The following PHTF2 variants were observed in gnomAD, a reference collection of about 807,000 sequenced individuals.
The protein encoded by PHTF2 is putative homeodomain transcription factor 2.
PHTF2 carries 60 observed loss-of-function variants against 101.2 expected under a neutral mutation model. The ratio of observed to expected loss-of-function variants is 0.59; its 90% CI spans 0.48 to 0.73. The LOEUF (loss-of-function observed/expected upper bound fraction) is 0.73. PHTF2 is among the 30% of genes least tolerant of loss of function. PHTF2 has a pLI of 0.00. For synonymous variants in PHTF2, 311 were observed against 307.3 expected (o/e 1.01, Z -0.13); for missense variants, 747 against 908.7 (o/e 0.82, Z 2.29).
exon 17 of PHTF2, chr7:77,949,746 G>T (rs781012202): frequency 6.4e-7 from 1 of 1,556,528 alleles, no homozygotes; most frequent in Non-Finnish European, 8.8e-7. Context: ...GGTGCATCTC[G>T]TTAACACTTT....
intron 3 of PHTF2, among the ~76,000 whole-genome samples, chr7:77,886,292 T>TA (rs1391838578): frequency 1.3e-5 from 2 of 152,222 alleles, no homozygotes; most frequent in Non-Finnish European, 2.9e-5. Context: ...TCCTAAGTGA[T>TA]ACGTTTCTCA....
chr7:77,818,011 G>A (rs1584382883), intron 1 of PHTF2, among the ~76,000 whole-genome samples: 1 of 151,754 alleles, frequency 6.6e-6, no homozygotes, highest in Non-Finnish European at 1.5e-5. Context: ...TTGGGAGGCT[G>A]AGGCAGGAGA....
intron 11 of PHTF2, 108 bp from the exon 11 acceptor site, chr7:77,929,001 G>A (rs1367867178): frequency 3.5e-5 from 24 of 691,560 alleles, no homozygotes; most frequent in Admixed American, 5.4e-5. Context: ...TTTTGAGGGT[G>A]TATTTGTTGT....
chr7:77,810,385 T>C (rs1262508926), intron 1 of PHTF2, among the ~76,000 whole-genome samples: 1 of 152,236 alleles, frequency 6.6e-6, no homozygotes, highest in Non-Finnish European at 1.5e-5. Flanking sequence ...AATACTGTAC[T>C]TTATTGCAGA....
chr7:77,941,052 T>C (rs1223966286), intron 15 of PHTF2, among the ~76,000 whole-genome samples: 1 of 152,144 alleles, frequency 6.6e-6, no homozygotes, highest in Non-Finnish European at 1.5e-5. Flanking sequence ...GAAAACACTT[T>C]TTTTCTGAGG....
chr7:77,857,869 C>T lies in PHTF2; in HGVS notation c.147+3035C>T, dbSNP rs1797312161. Among the ~76,000 whole-genome samples the T allele has an allele frequency of 2.6e-5, 4 of 152,184 alleles. No individual in the cohort carries two copies. In the South Asian group the frequency reaches 6.2e-4, roughly 24 times the overall value. ...AATTATTGTTACATGGGTCAGCTGT[C>T]AACCCAGAGTTATTGCTTTATATTC... On this transcript the variant is annotated intron_variant, in intron 3 of 19. Coordinates refer to ENST00000416283, the Ensembl canonical transcript of PHTF2.
intron 17 of PHTF2, among the ~76,000 whole-genome samples, chr7:77,950,693 A>G (rs1464261623): frequency 2.6e-5 from 4 of 152,156 alleles, no homozygotes; most frequent in African/African-American, 7.2e-5. Context: ...ATTGGACAAA[A>G]TCAACCACTT....
chr7:77,945,030 CAT>C (rs1805930719), intron 16 of PHTF2, among the ~76,000 whole-genome samples: 1 of 152,172 alleles, frequency 6.6e-6, no homozygotes, highest in Admixed American at 6.5e-5. Context: ...GGAGATCCAA[CAT>C]AGGTCTAATA....
chr7:77,949,934 C>T (rs1806393539), intron 17 of PHTF2, 101 bp downstream of exon 16: 1 of 636,672 alleles, frequency 1.6e-6, no homozygotes, highest in Admixed American at 3.7e-5. Flanking sequence ...TGATTAAGGT[C>T]ATTTGTGCTA....
intron 12 of PHTF2, among the ~76,000 whole-genome samples, chr7:77,935,445 A>G (rs919700579): frequency 2.0e-5 from 3 of 151,954 alleles, no homozygotes; most frequent in East Asian, 1.9e-4. Flanking sequence ...CAGGATGGCT[A>G]CTATCTCCTG....
chr7:77,889,194 A>C (rs1406882424), intron 3 of PHTF2, among the ~76,000 whole-genome samples: 12 of 152,244 alleles, frequency 7.9e-5, no homozygotes, highest in Middle Eastern at 3.4e-3. Flanking sequence ...ATTATGTTTC[A>C]TTCAGGGAAG....
chr7:77,824,277 G>A (rs1373029221), intron 1 of PHTF2, among the ~76,000 whole-genome samples: 1 of 149,092 alleles, frequency 6.7e-6, no homozygotes, highest in Non-Finnish European at 1.5e-5. Flanking sequence ...TTTTTTTCTT[G>A]GAGGTAGTTG....
intron 9 of PHTF2, among the ~76,000 whole-genome samples, chr7:77,913,364 G>C (rs1441399359): frequency 6.7e-6 from 1 of 150,072 alleles, no homozygotes; most frequent in African/African-American, 2.5e-5. Flanking sequence ...TTCCAGCCTG[G>C]GTGACAGAGC....
chr7:77,873,974 A>C (rs562022284), intron 3 of PHTF2, among the ~76,000 whole-genome samples: 1 of 152,214 alleles, frequency 6.6e-6, no homozygotes, highest in South Asian at 2.1e-4. Flanking sequence ...TTTGAGGCTC[A>C]GTATCTGCTT....
intron 18 of PHTF2, among the ~76,000 whole-genome samples, chr7:77,952,342 T>C (rs1389583968): frequency 6.6e-6 from 1 of 152,174 alleles, no homozygotes; most frequent in African/African-American, 2.4e-5. Flanking sequence ...TTTCAGAGAA[T>C]GGTATGAAAT....
chr7:77,912,661 GTA>G (rs149254572), intron 9 of PHTF2, among the ~76,000 whole-genome samples: 1 of 119,344 alleles, frequency 8.4e-6, no homozygotes, highest in Non-Finnish European at 1.8e-5. Context: ...TTCTATTTTT[GTA>G]TATATATATA....
chr7:77,863,349 G>C (rs1334137960), intron 3 of PHTF2, among the ~76,000 whole-genome samples: 1 of 152,178 alleles, frequency 6.6e-6, no homozygotes, highest in African/African-American at 2.4e-5. Flanking sequence ...GGAATCAGAG[G>C]AATGACGTCT....
intron 1 of PHTF2, among the ~76,000 whole-genome samples, chr7:77,824,884 C>T (rs1342579793): frequency 2.7e-5 from 4 of 148,784 alleles, no homozygotes; most frequent in East Asian, 2.0e-4. Flanking sequence ...AAAAAAAAAA[C>T]GTTAGCCGAG....
chr7:77,928,892 T>A (rs954698763), intron 11 of PHTF2, among the ~76,000 whole-genome samples: 1 of 152,220 alleles, frequency 6.6e-6, no homozygotes, highest in African/African-American at 2.4e-5. Context: ...CAAAGTAATA[T>A]CTGAGCTGAA....
Sources: gnomAD v4.1 joint callset for allele counts (sites outside exome capture counted in the v4.1 genomes callset) on GRCh38, gnomAD v4.1.1 for gene constraint, MANE v1.5 for transcripts, NCBI Gene and HGNC (gene_info 2026-07-23, HGNC 2026-07-21) for gene names.